Variants in TNS3 observed in about 807,000 individuals in gnomAD.
TNS3 encodes tensin 3, also known as tensin-3.
In TNS3, 45 loss-of-function variants were observed where a neutral mutation model predicts 140.9. That is an observed-to-expected ratio of 0.32 (90% CI 0.25 to 0.41). The LOEUF is 0.41. Ranked by LOEUF, TNS3 falls within the 10% of genes least tolerant of loss-of-function variation. The pLI, the probability that TNS3 is intolerant of heterozygous loss-of-function variation, is 1.00. For synonymous variants in TNS3, 815 were observed against 788.4 expected (o/e 1.03, Z -0.56); for missense variants, 1,716 against 1,906.7 (o/e 0.90, Z 1.86).
intron 17 of TNS3, among the ~76,000 whole-genome samples, chr7:47,349,947 A>AC (rs1789567470): frequency 6.6e-6 from 1 of 152,220 alleles, no homozygotes; most frequent in South Asian, 2.1e-4. Flanking sequence ...TTTTTTGCAG[A>AC]CAAGGAGAAT....
Position 47,389,061 on chromosome 7 carries a change from A to C in TNS3, c.1024+7739T>G, listed in dbSNP as rs1470787702. 3.4e-3 allele frequency among the ~76,000 whole-genome samples: 242 copies of C among 71,956 alleles called. 57 individuals carry two copies. Among genetic ancestry groups the C allele is most frequent in the African/African-American group, 0.016 (233 of 14,750 alleles). 47.2% of individuals were successfully genotyped at this position (71,956 alleles called of 152,430 possible). A position where few individuals can be genotyped will look rare whatever the true frequency, so the allele number is the denominator to read the frequency against. On this transcript the variant is annotated intron_variant, in intron 16 of 30. Transcript: ENST00000311160. ...GAAGAAGAAGAAGAAGAAGAAGAAG[A>C]AGAAGAAGAAGAAGAAGAAGAAGAG...
intron 4 of TNS3, among the ~76,000 whole-genome samples, chr7:47,453,693 G>GA (rs1796124572): frequency 6.6e-6 from 1 of 152,226 alleles, no homozygotes. Flanking sequence ...GGTATGCAGC[G>GA]AAACCTCAGT....
At chr7:47,425,900 C>G (rs1323045585) in intron 9 of TNS3, among the ~76,000 whole-genome samples, 1 of 152,084 alleles carries the variant, frequency 6.6e-6, no homozygotes, top group South Asian at 2.1e-4. Flanking sequence ...TCTGGGATTA[C>G]TCTACTTCTG....
At chr7:47,490,654 G>A (rs1006552309) in intron 3 of TNS3, among the ~76,000 whole-genome samples, 17 of 152,216 alleles carry the variant, frequency 1.1e-4, no homozygotes, top group South Asian at 6.2e-4. Context: ...CTGAACAGCC[G>A]CATGGAGACA....
intron 20 of TNS3, among the ~76,000 whole-genome samples, chr7:47,308,140 A>AT (rs1786867284): frequency 6.6e-6 from 1 of 152,246 alleles, no homozygotes; most frequent in Admixed American, 6.5e-5. Flanking sequence ...TGAGGCATAT[A>AT]TATCAACAAA....
intron 2 of TNS3, among the ~76,000 whole-genome samples, chr7:47,512,637 T>C (rs1250780757): frequency 1.3e-5 from 2 of 152,078 alleles, no homozygotes; most frequent in Non-Finnish European, 2.9e-5. Context: ...GCCTCATCTA[T>C]AGGAGAGAAA....
intron 10 of TNS3, among the ~76,000 whole-genome samples, chr7:47,417,162 A>C (rs1333266632): frequency 6.6e-6 from 1 of 152,216 alleles, no homozygotes; most frequent in Non-Finnish European, 1.5e-5. Flanking sequence ...GCTCCTGTTC[A>C]TGGCAGCATA....
At chr7:47,358,822 A>C (rs947827345) in intron 17 of TNS3, among the ~76,000 whole-genome samples, 2 of 152,126 alleles carry the variant, frequency 1.3e-5, no homozygotes, top group Non-Finnish European at 2.9e-5. Context: ...TTCTACCACC[A>C]CCTACCTAGG....
At chr7:47,411,530 C>A (rs141058712) in intron 13 of TNS3, among the ~76,000 whole-genome samples, 197 bp downstream of exon 13, 2,181 of 152,350 alleles carry the variant, frequency 0.014, 55 homozygotes, top group African/African-American at 0.05. Context: ...CGGTTCCTAA[C>A]AGGCCACAGA....
chr7:47,453,271 A>G (rs1311398207), intron 4 of TNS3: 2 of 984,984 alleles, frequency 2.0e-6, no homozygotes, highest in Non-Finnish European at 2.4e-6. Context: ...GGACAGGAAC[A>G]AGAACAGCGC....
chr7:47,304,186 A>G (rs1217968940), intron 21 of TNS3, among the ~76,000 whole-genome samples: 1 of 152,210 alleles, frequency 6.6e-6, no homozygotes, highest in African/African-American at 2.4e-5. Context: ...CATGCTTGCT[A>G]GATGAACCAG....
chr7:47,525,582 T>C (rs1470350984), intron 2 of TNS3, among the ~76,000 whole-genome samples: 3 of 152,230 alleles, frequency 2.0e-5, no homozygotes, highest in Admixed American at 6.5e-5. Context: ...ATGGACGTCA[T>C]AGAGCAGCTG....
intron 20 of TNS3, among the ~76,000 whole-genome samples, chr7:47,341,442 A>G (rs1283859888): frequency 6.6e-6 from 1 of 152,166 alleles, no homozygotes; most frequent in African/African-American, 2.4e-5. Flanking sequence ...TCTATTTCCT[A>G]TTGGGTGAGT....
At position 47,368,459 on chromosome 7, in the gene TNS3, G is replaced by A. The variant is rs368628961; in HGVS notation, c.2187C>T (p.Gly729=). The A allele has an allele frequency of 2.1e-5, 33 of 1,583,918 alleles. No individual in the cohort carries two copies. Among genetic ancestry groups the A allele is most frequent in the Non-Finnish European group, 2.8e-5 (32 of 1,159,382 alleles). Residue 729 remains glycine (G), a synonymous_variant, in exon 17 of 31, where the codon GGC becomes GGT. Transcript: ENST00000311160. ...HMNALGSQAN[G]SVSPDSVGGG... Reference sequence around the variant, plus strand: ...CTCCCACGCTGTCTGGAGACACAGAGCCATTGGCCTGGCTACCGAGGGCGT... The same window carrying A: ...CTCCCACGCTGTCTGGAGACACAGAACCATTGGCCTGGCTACCGAGGGCGT...
At chr7:47,452,963 A>C (rs923375567) in intron 4 of TNS3, 13 of 985,404 alleles carry the variant, frequency 1.3e-5, no homozygotes, top group African/African-American at 3.5e-5. Context: ...ACCACCGGCC[A>C]GGGCTGCTTT....
chr7:47,564,704 T>C (rs1367224844), intron 1 of TNS3, among the ~76,000 whole-genome samples: 1 of 143,318 alleles, frequency 7.0e-6, no homozygotes, highest in Non-Finnish European at 1.5e-5. Flanking sequence ...TTTATTCATA[T>C]ATATATATGC....
intron 1 of TNS3, among the ~76,000 whole-genome samples, chr7:47,529,622 C>T (rs1799321900): frequency 6.6e-6 from 1 of 152,248 alleles, no homozygotes; most frequent in Non-Finnish European, 1.5e-5. Flanking sequence ...TCCAGAATCA[C>T]CATTAAGCTC....
intron 1 of TNS3, among the ~76,000 whole-genome samples, chr7:47,541,028 G>T (rs1212628413): frequency 6.6e-6 from 1 of 152,226 alleles, no homozygotes; most frequent in Admixed American, 6.5e-5. Flanking sequence ...GAAAGCAGGA[G>T]TGGACATGGA....
chr7:47,515,833 C>A (rs993055692), intron 2 of TNS3, among the ~76,000 whole-genome samples: 2 of 152,218 alleles, frequency 1.3e-5, no homozygotes, highest in Non-Finnish European at 1.5e-5. Flanking sequence ...TTACTGACAC[C>A]ATTGAACACT....
Sources: gnomAD v4.1 joint callset for allele counts (sites outside exome capture counted in the v4.1 genomes callset) on GRCh38, gnomAD v4.1.1 for gene constraint, MANE v1.5 for transcripts, NCBI Gene and HGNC (gene_info 2026-07-23, HGNC 2026-07-21) for gene names.